Variants in CAPSL observed in about 807,000 individuals in gnomAD.
CAPSL encodes calcyphosine like.
Under a neutral mutation model 21.3 loss-of-function variants are expected in CAPSL, and 17 were observed. That is an observed-to-expected ratio of 0.80 (90% CI 0.55 to 1.20). CAPSL has a LOEUF of 1.20. Among genes scored for constraint, CAPSL ranks in the 50% most tolerant of loss-of-function variants. CAPSL has a pLI of 0.00. For synonymous variants in CAPSL, 102 were observed against 89.3 expected, an observed-to-expected ratio of 1.14 and a Z score of -0.80; for missense variants, 289 against 259.3, an observed-to-expected ratio of 1.11 and a Z score of -0.79.
chr5:35,909,247 A>T (rs1392615099), intron 4 of CAPSL, among the ~76,000 whole-genome samples: 1 of 152,128 alleles, frequency 6.6e-6, no homozygotes, highest in African/African-American at 2.4e-5. Flanking sequence ...TGGGCGGTTG[A>T]TTTTGTTTTC....
At chr5:35,924,389 T>C (rs1738613096) in intron 1 of CAPSL, among the ~76,000 whole-genome samples, 1 of 152,148 alleles carries the variant, frequency 6.6e-6, no homozygotes, top group Non-Finnish European at 1.5e-5. Flanking sequence ...TGAAATAACA[T>C]ATAAGAATCT....
intron 4 of CAPSL, among the ~76,000 whole-genome samples, chr5:35,905,705 T>A (rs555541027): frequency 1.3e-5 from 2 of 152,352 alleles, no homozygotes; most frequent in East Asian, 3.9e-4. Flanking sequence ...TTCAATTCCC[T>A]CATTAAGGGA....
At chr5:35,907,194 G>A (rs1760697340) in intron 4 of CAPSL, among the ~76,000 whole-genome samples, 1 of 152,156 alleles carries the variant, frequency 6.6e-6, no homozygotes, top group Non-Finnish European at 1.5e-5. Context: ...GGTCCCAGAT[G>A]GGGGTAATGG....
chr5:35,911,398 T>A (rs907352693), intron 2 of CAPSL, among the ~76,000 whole-genome samples: 1 of 152,242 alleles, frequency 6.6e-6, no homozygotes, highest in Non-Finnish European at 1.5e-5. Flanking sequence ...ATACATATCC[T>A]TGGTATAATG....
At position 35,910,346 on chromosome 5, in the gene CAPSL, T is replaced by C. The variant is rs1329587126; in HGVS notation, c.315+20A>G. The C allele has an allele frequency of 1.9e-6, 3 of 1,608,422 alleles. No individual in the cohort carries two copies. The South Asian group carries it at 3.3e-5, about 18-fold the overall frequency. ...TGAAAGCCAAACTCAGCAGATACAC[T>C]GATTAATGGGGCCACTTACTCTTAA... On this transcript the variant is annotated intron_variant, in intron 3 of 4. Transcript: ENST00000651391.
rs777951969 is a variant in CAPSL, at chr5:35,921,058, C to T, written c.63G>A (p.Thr21=). 4.5e-5 allele frequency: 72 copies of T among 1,613,972 alleles called. No homozygotes were observed. The highest frequency in any genetic ancestry group is 5.4e-5 in the Non-Finnish European group (64 of 1,180,020). The change falls in exon 2 of 5, where the codon ACG becomes ACA. Residue 21 remains threonine, a synonymous_variant. Transcript: ENST00000651391. ...MAIQAKKKLT[T]ATDPIERLRL... ...GGAGTCTTTCAATGGGGTCGGTGGC[C>T]GTGGTGAGCTTTTTCTTGGCCTGGA...
chr5:35,923,663 T>C (rs1261909486), intron 1 of CAPSL, among the ~76,000 whole-genome samples: 7 of 151,878 alleles, frequency 4.6e-5, no homozygotes, highest in Non-Finnish European at 8.8e-5. Flanking sequence ...TGTCACACAT[T>C]GTACGATTTC....
chr5:35,910,295 C>T, intron 3 of CAPSL, 71 bp downstream of exon 3: 1 of 1,516,388 alleles, frequency 6.6e-7, no homozygotes. Context: ...AAAAACAAAA[C>T]CTCAAGGTAG....
intron 1 of CAPSL, among the ~76,000 whole-genome samples, chr5:35,922,627 C>T (rs1030393502): frequency 7.2e-5 from 11 of 152,188 alleles, no homozygotes; most frequent in African/African-American, 1.7e-4. Context: ...GCACACCCTG[C>T]GCTTAGAGAC....
chr5:35,927,625 A>G (rs1738719229), intron 1 of CAPSL, among the ~76,000 whole-genome samples: 1 of 152,124 alleles, frequency 6.6e-6, no homozygotes. Flanking sequence ...CCAGTCCCCC[A>G]TAGGGATGGG....
At chr5:35,908,717 C>A (rs1426731843) in intron 4 of CAPSL, among the ~76,000 whole-genome samples, 1 of 152,160 alleles carries the variant, frequency 6.6e-6, no homozygotes, top group Non-Finnish European at 1.5e-5. Context: ...TGAATTTTGG[C>A]CCTTTTGTAA....
intron 2 of CAPSL, among the ~76,000 whole-genome samples, chr5:35,915,301 T>C (rs1263588680): frequency 6.6e-6 from 1 of 152,202 alleles, no homozygotes; most frequent in Non-Finnish European, 1.5e-5. Flanking sequence ...ACTGGTACCA[T>C]TCCTTCTGAA....
chr5:35,914,422 C>T (rs1195062836), intron 2 of CAPSL, among the ~76,000 whole-genome samples: 1 of 152,210 alleles, frequency 6.6e-6, no homozygotes, highest in Non-Finnish European at 1.5e-5. Flanking sequence ...TTCAGCACCA[C>T]ACCACACCTA....
intron 4 of CAPSL, among the ~76,000 whole-genome samples, chr5:35,905,822 G>A (rs1760661423): frequency 1.3e-5 from 2 of 152,158 alleles, no homozygotes; most frequent in Non-Finnish European, 2.9e-5. Flanking sequence ...CCTGCATCAG[G>A]ACAACCTGGG....
At position 35,909,548 on chromosome 5, in the gene CAPSL, C is replaced by T. The variant is rs577620305; in HGVS notation, c.525+318G>A. ...TAGCTGAGTATGGTAAATATAGTAA[C>T]CATAAAATGGCATGTTTAATCAGAA... On this transcript the variant is annotated intron_variant, in intron 4 of 4. Transcript: ENST00000651391. Among the ~76,000 whole-genome samples, 38 of 152,214 alleles carry T rather than the reference C, an allele frequency of 2.5e-4. 1 individual carries two copies. The South Asian group carries it at 7.5e-3, about 30-fold the overall frequency.
intron 4 of CAPSL, among the ~76,000 whole-genome samples, chr5:35,905,585 A>C (rs938254898): frequency 3.9e-5 from 6 of 152,244 alleles, no homozygotes; most frequent in Non-Finnish European, 8.8e-5. Context: ...CTGTAAATAC[A>C]CATCTACAAT....
chr5:35,916,192 C>T (rs1188108412), intron 2 of CAPSL, among the ~76,000 whole-genome samples: 2 of 151,494 alleles, frequency 1.3e-5, no homozygotes, highest in Admixed American at 1.3e-4. Context: ...AACTACAAAC[C>T]ACTGCTCAAG....
chr5:35,912,104 C>T (rs1215595375), intron 2 of CAPSL, among the ~76,000 whole-genome samples: 1 of 152,192 alleles, frequency 6.6e-6, no homozygotes, highest in East Asian at 1.9e-4. Flanking sequence ...CACCGGGCCT[C>T]ACTCATTGCC....
At chr5:35,933,814 T>C (rs1360960372) in intron 1 of CAPSL, among the ~76,000 whole-genome samples, 1 of 152,234 alleles carries the variant, frequency 6.6e-6, no homozygotes, top group Admixed American at 6.5e-5. Flanking sequence ...ATTTTAATTC[T>C]ATTTGACTTC....
Sources: gnomAD v4.1 joint callset for allele counts (sites outside exome capture counted in the v4.1 genomes callset) on GRCh38, gnomAD v4.1.1 for gene constraint, MANE v1.5 for transcripts, NCBI Gene and HGNC (gene_info 2026-07-23, HGNC 2026-07-21) for gene names.